MEI1: variants seen among roughly 807,000 people sequenced by gnomAD.
The protein encoded by MEI1 is meiosis inhibitor protein 1.
Under a neutral mutation model 146.2 loss-of-function variants are expected in MEI1, and 103 were observed. That is an observed-to-expected ratio of 0.70 (90% CI 0.60 to 0.83). The LOEUF is 0.83. Among genes scored for constraint, MEI1 ranks in the 40% least tolerant of loss-of-function variants. The pLI, the probability that MEI1 is intolerant of heterozygous loss-of-function variation, is 0.00. For synonymous variants in MEI1, 652 were observed against 628.2 expected (o/e 1.04, Z -0.57); for missense variants, 1,529 against 1,533.0 (o/e 1.00, Z 0.04).
rs766123638 is a variant in MEI1, at chr22:41,729,751, G to A, written c.951G>A (p.Ala317=). ...TTGTCCACTCCCCAGCAAAGCATGC[G>A]TCAGCCTTCATCCACGCTGACATCC... ...AVLVHSPAKH[A]SAFIHADIPE... Residue 317 remains alanine (A), a synonymous_variant, in exon 8 of 31, where the codon GCG becomes GCA. Transcript: ENST00000401548. The A allele has an allele frequency of 2.0e-5, 33 of 1,609,902 alleles. No homozygotes were observed. Among genetic ancestry groups the A allele is most frequent in the Admixed American group, 1.9e-4 (11 of 59,358 alleles).
chr22:41,710,374 A>C (rs1042090933), intron 3 of MEI1, among the ~76,000 whole-genome samples: 1 of 152,198 alleles, frequency 6.6e-6, no homozygotes, highest in Non-Finnish European at 1.5e-5. Flanking sequence ...AGGATACAAA[A>C]ATTCTGCAAG....
intron 15 of MEI1, among the ~76,000 whole-genome samples, chr22:41,750,484 A>C (rs2073675596): frequency 6.6e-6 from 1 of 152,204 alleles, no homozygotes; most frequent in South Asian, 2.1e-4. Context: ...GCCAGACCAG[A>C]GTGAGTTAAG....
At chr22:41,731,646 A>G (rs1443003069) in intron 9 of MEI1, among the ~76,000 whole-genome samples, 2 of 152,110 alleles carry the variant, frequency 1.3e-5, no homozygotes, top group African/African-American at 4.8e-5. Context: ...GCGTGAGTGC[A>G]CTGTCTGGGA....
chr22:41,730,490 T>C (rs1430125466), intron 8 of MEI1, 31 bp from the exon 9 acceptor site: 13 of 1,469,676 alleles, frequency 8.8e-6, no homozygotes, highest in South Asian at 1.1e-5. Context: ...ATGGCTGTCA[T>C]TTATTGTTTT....
intron 6 of MEI1, among the ~76,000 whole-genome samples, chr22:41,719,826 G>A (rs1304147836): frequency 2.0e-5 from 3 of 152,082 alleles, no homozygotes; most frequent in African/African-American, 4.8e-5. Context: ...CTTATTTTGG[G>A]CAGAACAGAT....
At chr22:41,761,454 T>G (rs1464755372) in intron 18 of MEI1, among the ~76,000 whole-genome samples, 1 of 151,630 alleles carries the variant, frequency 6.6e-6, no homozygotes, top group African/African-American at 2.4e-5. Context: ...AGCTGGAAAT[T>G]CAGGTGCCCG....
intron 7 of MEI1, among the ~76,000 whole-genome samples, chr22:41,727,211 T>G (rs1042775016): frequency 1.1e-4 from 16 of 152,190 alleles, no homozygotes; most frequent in African/African-American, 3.9e-4. Flanking sequence ...GTCTCATGTC[T>G]ACTTGGTCCT....
At chr22:41,709,290 T>C in intron 3 of MEI1, 1 of 818,256 alleles carries the variant, frequency 1.2e-6, no homozygotes, top group Non-Finnish European at 2.1e-6. Flanking sequence ...TCTGCAGGGT[T>C]ATTCCCTTCC....
chr22:41,764,268 C>T (rs910996924), intron 19 of MEI1, among the ~76,000 whole-genome samples: 1 of 152,076 alleles, frequency 6.6e-6, no homozygotes, highest in Non-Finnish European at 1.5e-5. Flanking sequence ...CTGGAAGTTT[C>T]CTTTTATACA....
intron 6 of MEI1, among the ~76,000 whole-genome samples, chr22:41,719,652 C>T (rs930823644): frequency 6.6e-6 from 1 of 152,180 alleles, no homozygotes; most frequent in Non-Finnish European, 1.5e-5. Flanking sequence ...GATTCAGTTT[C>T]CAACACATGA....
intron 18 of MEI1, among the ~76,000 whole-genome samples, chr22:41,759,750 A>AC (rs2074347471): frequency 6.6e-6 from 1 of 152,044 alleles, no homozygotes; most frequent in Non-Finnish European, 1.5e-5. Flanking sequence ...AATTGCTTGA[A>AC]CCCAGGAGGT....
At chr22:41,755,068 C>G (rs2147887220) in intron 17 of MEI1, among the ~76,000 whole-genome samples, 1 of 152,224 alleles carries the variant, frequency 6.6e-6, no homozygotes, top group South Asian at 2.1e-4. Flanking sequence ...GAAGTTTTTC[C>G]TCTTGTTGAA....
Position 41,733,105 on chromosome 22 carries a change from G to T in MEI1, c.1331+502G>T, listed in dbSNP as rs562337296. Among the ~76,000 whole-genome samples the T allele has an allele frequency of 1.9e-4, 29 of 151,856 alleles. No individual in the cohort carries two copies. The South Asian group carries it at 2.3e-3, about 12-fold the overall frequency. The stretch of plus-strand genomic sequence containing the variant: ...TGAAAATTTTAAAGAATGGATGGTT[G>T]TGTCTGTATTGAACACGTACAGACT... On this transcript the variant is annotated intron_variant, in intron 11 of 30. Coordinates refer to ENST00000401548, the MANE Select transcript of MEI1 (RefSeq NM_152513.4).
rs199762836 is a variant in MEI1, at chr22:41,794,378, C to T, written c.3435C>T (p.His1145=). 9.1e-4 allele frequency: 1,468 copies of T among 1,613,682 alleles called. 15 individuals carry two copies. Among genetic ancestry groups the T allele is most frequent in the Non-Finnish European group, 2.4e-4 (280 of 1,179,716 alleles). ...ACCCAGTGTTTCTTGAAGCTCTCCA[C>T]GTGGCCTCCCAGCCTTGGAATCGGT... ...LDARSPDIAL[H]VASQPWNRFL... Residue 1145 remains histidine (H), a synonymous_variant, in exon 28 of 31, where the codon CAC becomes CAT. Coordinates refer to ENST00000401548, the MANE Select transcript of MEI1 (RefSeq NM_152513.4).
chr22:41,738,892 G>A (rs564280694), intron 11 of MEI1, among the ~76,000 whole-genome samples: 8 of 151,782 alleles, frequency 5.3e-5, no homozygotes, highest in Admixed American at 2.6e-4. Context: ...ACTTGAGCCT[G>A]GGAGTTTGAG....
intron 30 of MEI1, among the ~76,000 whole-genome samples, chr22:41,797,170 G>T (rs1054221314): frequency 5.3e-5 from 8 of 151,938 alleles, no homozygotes; most frequent in African/African-American, 1.7e-4. Flanking sequence ...GCTAATTTTT[G>T]TAGATACAGG....
chr22:41,781,078 G>A (rs984125443), intron 22 of MEI1, among the ~76,000 whole-genome samples: 18 of 152,220 alleles, frequency 1.2e-4, no homozygotes, highest in African/African-American at 1.7e-4. Flanking sequence ...GCTGTAGGCT[G>A]CTTGCCTGAT....
intron 30 of MEI1, among the ~76,000 whole-genome samples, chr22:41,797,936 CTG>C (rs2076418976): frequency 6.6e-6 from 1 of 152,088 alleles, no homozygotes; most frequent in Non-Finnish European, 1.5e-5. Context: ...AATAACGAAA[CTG>C]AGGCCAGAGA....
In MEI1 at chr22:41,736,103, C is replaced by T. The variant is rs35519272; in HGVS notation, c.1331+3500C>T. On this transcript the variant is annotated intron_variant, in intron 11 of 30. Coordinates refer to ENST00000401548, the MANE Select transcript of MEI1 (RefSeq NM_152513.4). ...AATACGGAACACTTCCCTGCCTCTT[C>T]CAGCTTCTGGTGGCTCCGGGCATTC... 6.3e-3 allele frequency among the ~76,000 whole-genome samples: 956 copies of T among 152,282 alleles called. 5 individuals are homozygous for T. Among genetic ancestry groups the T allele is most frequent in the Non-Finnish European group, 0.011 (723 of 68,014 alleles).
Sources: gnomAD v4.1 joint callset for allele counts (sites outside exome capture counted in the v4.1 genomes callset) on GRCh38, gnomAD v4.1.1 for gene constraint, MANE v1.5 for transcripts, NCBI Gene and HGNC (gene_info 2026-07-23, HGNC 2026-07-21) for gene names.